Variants in GRIK4 observed in about 807,000 individuals in gnomAD.
GRIK4 encodes the protein glutamate ionotropic receptor kainate type subunit 4.
A neutral mutation model predicts 104.9 loss-of-function variants in GRIK4; 40 were observed. The observed-to-expected ratio is 0.38, with a 90% CI of 0.30 to 0.50. GRIK4 has a LOEUF of 0.50. GRIK4 is among the 20% of genes least tolerant of loss of function. The pLI is 0.93. For missense variants in GRIK4, 1,047 were observed against 1,308.1 expected, an observed-to-expected ratio of 0.80 and a Z score of 3.08; for synonymous variants, 485 against 524.9, an observed-to-expected ratio of 0.92 and a Z score of 1.04.
chr11:120,837,924 C>A (rs1025531855), intron 8 of GRIK4, among the ~76,000 whole-genome samples: 2 of 152,060 alleles, frequency 1.3e-5, no homozygotes, highest in African/African-American at 4.8e-5. Flanking sequence ...GCCAGCCTGC[C>A]AGAGAGGCTC....
chr11:120,671,344 C>T (rs1565286301), intron 3 of GRIK4, among the ~76,000 whole-genome samples: 1 of 152,224 alleles, frequency 6.6e-6, no homozygotes, highest in Non-Finnish European at 1.5e-5. Context: ...TACTATTTCT[C>T]CACATCCTCT....
rs192044017 is a variant in GRIK4 at position 120,600,059 on chromosome 11, T to A, written c.-158-53626T>A. Among the ~76,000 whole-genome samples, 1,029 of 152,322 alleles carry A rather than the reference T, an allele frequency of 6.8e-3. 10 individuals are homozygous for A. The highest frequency in any genetic ancestry group is 9.6e-3 in the Non-Finnish European group (654 of 68,030). ...AAGCGACCTTGCCATCCGCCCACTC[T>A]GCAGGTGGCCGAAGCCCTTGGGTGG... On this transcript the variant is annotated intron_variant, in intron 1 of 20. Coordinates refer to ENST00000527524, the MANE Select transcript of GRIK4 (RefSeq NM_014619.5).
chr11:120,823,504 T>G (rs1953176801), intron 6 of GRIK4, among the ~76,000 whole-genome samples: 1 of 152,152 alleles, frequency 6.6e-6, no homozygotes, highest in Admixed American at 6.5e-5. Context: ...TTGGAGGTAT[T>G]AAGGGACGCC....
At chr11:120,957,625 G>GTGTGTGTGTGTGTGTGTA (rs375508071) in intron 16 of GRIK4, among the ~76,000 whole-genome samples, 11,794 of 144,104 alleles carry the variant, frequency 0.082, 576 homozygotes, top group East Asian at 0.2. Flanking sequence ...GTGTGTGTGT[G>GTGTGTGTGTGTGTGTGTA]TAGCCTAGAG....
At chr11:120,818,292 C>G (rs1288745361) in intron 5 of GRIK4, among the ~76,000 whole-genome samples, 1 of 152,256 alleles carries the variant, frequency 6.6e-6, no homozygotes, top group African/African-American at 2.4e-5. Context: ...CCAGGCTACC[C>G]TGCCCCTGTC....
intron 3 of GRIK4, among the ~76,000 whole-genome samples, chr11:120,665,570 T>A (rs1949899696): frequency 6.6e-6 from 1 of 152,192 alleles, no homozygotes; most frequent in South Asian, 2.1e-4. Context: ...AGTAAATGTT[T>A]GCTAAATGAA....
chr11:120,554,265 G>C (rs1367586985), intron 1 of GRIK4, among the ~76,000 whole-genome samples: 2 of 152,218 alleles, frequency 1.3e-5, no homozygotes, highest in Non-Finnish European at 2.9e-5. Context: ...GGCAGACAAG[G>C]TTTATGTTCT....
chr11:120,763,921 T>A (rs965974117), intron 3 of GRIK4, among the ~76,000 whole-genome samples: 5 of 152,230 alleles, frequency 3.3e-5, no homozygotes, highest in Non-Finnish European at 5.9e-5. Context: ...GTATATTCTG[T>A]TGATTTGGGG....
chr11:120,757,495 G>C (rs557362405), intron 3 of GRIK4, among the ~76,000 whole-genome samples: 13 of 152,366 alleles, frequency 8.5e-5, no homozygotes, highest in Non-Finnish European at 1.9e-4. Context: ...AGGATGACAT[G>C]TGGCCCAGGG....
At chr11:120,809,340 G>A (rs534019508) in intron 4 of GRIK4, among the ~76,000 whole-genome samples, 56 of 152,326 alleles carry the variant, frequency 3.7e-4, no homozygotes, top group African/African-American at 1.0e-3. Context: ...AGAGGTAAAC[G>A]CATCTCCCTC....
rs149220158 is a variant in GRIK4, at chr11:120,923,394, C to G, written c.1477-16953C>G. Among the ~76,000 whole-genome samples the G allele has an allele frequency of 1.6e-3, 247 of 150,688 alleles. 1 individual carries two copies. The highest frequency in any genetic ancestry group is 0.01 in the Middle Eastern group (3 of 286). ...GCACTTGCCCCATGCTAGGCCCGAT[C>G]CATTTGCTCATTTTTTTTTTTTTTT... On this transcript the variant is annotated intron_variant, in intron 13 of 20. Coordinates refer to ENST00000527524, the MANE Select transcript of GRIK4 (RefSeq NM_014619.5).
At chr11:120,785,769 C>T (rs1317020521) in intron 3 of GRIK4, among the ~76,000 whole-genome samples, 1 of 152,174 alleles carries the variant, frequency 6.6e-6, no homozygotes, top group African/African-American at 2.4e-5. Flanking sequence ...TGGTTCTCTG[C>T]AGCGCCTGAG....
intron 1 of GRIK4, among the ~76,000 whole-genome samples, chr11:120,534,471 G>A (rs940954648): frequency 2.0e-5 from 3 of 152,052 alleles, no homozygotes; most frequent in Non-Finnish European, 4.4e-5. Context: ...TGTTTAACGC[G>A]ACCAAAGAGA....
At chr11:120,711,251 GA>G (rs1273133410) in intron 3 of GRIK4, among the ~76,000 whole-genome samples, 1 of 152,200 alleles carries the variant, frequency 6.6e-6, no homozygotes, top group African/African-American at 2.4e-5. Flanking sequence ...AACAGTGGGT[GA>G]GAGTAGAATG....
intron 3 of GRIK4, 30 bp downstream of exon 3, chr11:120,660,430 C>T: frequency 2.0e-6 from 3 of 1,526,838 alleles, no homozygotes; most frequent in Non-Finnish European, 2.7e-6. Flanking sequence ...GGGCAGTGCC[C>T]CCACCCACTA....
At chr11:120,969,993 A>G (rs1335849284) in intron 19 of GRIK4, among the ~76,000 whole-genome samples, 2 of 152,040 alleles carry the variant, frequency 1.3e-5, no homozygotes, top group East Asian at 1.9e-4. Flanking sequence ...GGCACCTTAG[A>G]CCCAGAACCA....
chr11:120,694,582 C>T (rs1950412441), intron 3 of GRIK4, among the ~76,000 whole-genome samples: 2 of 152,110 alleles, frequency 1.3e-5, no homozygotes, highest in South Asian at 4.1e-4. Context: ...CTCTGGGGGG[C>T]ATAGTTTGGA....
At chr11:120,660,512 C>T (rs532822079) in intron 3 of GRIK4, 112 bp downstream of exon 3, 5 of 766,806 alleles carry the variant, frequency 6.5e-6, no homozygotes, top group East Asian at 5.4e-5. Context: ...GTGCACTGTG[C>T]CCTCCCTGAG....
intron 1 of GRIK4, among the ~76,000 whole-genome samples, chr11:120,578,369 C>T (rs1948515663): frequency 6.6e-6 from 1 of 152,102 alleles, no homozygotes; most frequent in African/African-American, 2.4e-5. Context: ...CAGTGCTGCC[C>T]AAGAAGCTGG....
Sources: gnomAD v4.1 joint callset for allele counts (sites outside exome capture counted in the v4.1 genomes callset) on GRCh38, gnomAD v4.1.1 for gene constraint, MANE v1.5 for transcripts, NCBI Gene and HGNC (gene_info 2026-07-23, HGNC 2026-07-21) for gene names.